Variants in CACNA1C observed in about 807,000 individuals in gnomAD.
The protein encoded by CACNA1C is calcium voltage-gated channel subunit alpha1 C.
A neutral mutation model predicts 229.0 loss-of-function variants in CACNA1C; 30 were observed. The observed-to-expected ratio is 0.13, with a 90% CI of 0.10 to 0.18. The LOEUF is 0.18. Ranked by LOEUF, CACNA1C falls within the 10% of genes least tolerant of loss-of-function variation. The probability of loss-of-function intolerance (pLI) is 1.00; values close to 1 mark genes in which losing one functional copy is unlikely to be tolerated. For synonymous variants in CACNA1C, 1,114 were observed against 1,132.5 expected (o/e 0.98, Z 0.33); for missense variants, 1,658 against 2,845.0 (o/e 0.58, Z 9.49).
chr12:2,473,908 C>A (rs1029447030), intron 5 of CACNA1C, among the ~76,000 whole-genome samples: 18 of 152,130 alleles, frequency 1.2e-4, no homozygotes, highest in African/African-American at 4.3e-4. Context: ...GTTCGAGTTA[C>A]ATAGAAAGAT....
chr12:2,494,055 G>A (rs897845534), intron 7 of CACNA1C, among the ~76,000 whole-genome samples: 3 of 151,768 alleles, frequency 2.0e-5, no homozygotes, highest in African/African-American at 7.3e-5. Context: ...GGATACATGT[G>A]TAGAACGTGC....
At chr12:2,526,198 C>T (rs1160329838) in intron 9 of CACNA1C, among the ~76,000 whole-genome samples, 2 of 152,180 alleles carry the variant, frequency 1.3e-5, no homozygotes, top group African/African-American at 4.8e-5. Context: ...TTCTAAAACC[C>T]TGGGGCATAA....
chr12:2,146,723 C>A (rs1331178257), intron 3 of CACNA1C, among the ~76,000 whole-genome samples: 1 of 151,344 alleles, frequency 6.6e-6, no homozygotes, highest in Non-Finnish European at 1.5e-5. Flanking sequence ...TGTTTACCTG[C>A]TGGTGGGCAG....
At chr12:2,497,600 C>T (rs939565088) in intron 7 of CACNA1C, among the ~76,000 whole-genome samples, 2 of 152,136 alleles carry the variant, frequency 1.3e-5, no homozygotes, top group Non-Finnish European at 2.9e-5. Flanking sequence ...GCCTCTGGCC[C>T]GCGTTATCCT....
intron 3 of CACNA1C, among the ~76,000 whole-genome samples, chr12:2,321,118 T>C (rs1248725192): frequency 6.6e-6 from 1 of 152,196 alleles, no homozygotes; most frequent in East Asian, 1.9e-4. Context: ...GGCTGTCTGC[T>C]TGGGCTCAGC....
At chr12:2,503,556 G>A (rs1442047088) in intron 7 of CACNA1C, among the ~76,000 whole-genome samples, 2 of 152,278 alleles carry the variant, frequency 1.3e-5, no homozygotes, top group South Asian at 2.1e-4. Context: ...GCGGGTACAG[G>A]GGGCTGATTT....
chr12:2,451,661 C>T (rs1029920747), intron 4 of CACNA1C, among the ~76,000 whole-genome samples: 1 of 152,176 alleles, frequency 6.6e-6, no homozygotes, highest in Non-Finnish European at 1.5e-5. Flanking sequence ...GCCTCACCTG[C>T]GGTCTGTCTG....
chr12:2,534,712 G>C (rs12305392), intron 9 of CACNA1C, among the ~76,000 whole-genome samples: 2 of 152,136 alleles, frequency 1.3e-5, no homozygotes, highest in African/African-American at 4.8e-5. Context: ...ATTAGGGCAC[G>C]ATCTTCCCCT....
chr12:2,175,199 A>G (rs2096611743), intron 3 of CACNA1C, among the ~76,000 whole-genome samples: 1 of 152,234 alleles, frequency 6.6e-6, no homozygotes, highest in African/African-American at 2.4e-5. Flanking sequence ...TATTCAGTTC[A>G]TATGTAAATT....
chr12:2,177,587 C>CCCT (rs750852324), intron 3 of CACNA1C, among the ~76,000 whole-genome samples: 20 of 78,520 alleles, frequency 2.5e-4, no homozygotes, highest in South Asian at 1.3e-3. Context: ...CTCCCTCCCT[C>CCCT]CCTTCCTTCC....
At position 2,315,609 on chromosome 12, in the gene CACNA1C, G is replaced by A. The variant is rs139200154; in HGVS notation, c.478-133367G>A. Among the ~76,000 whole-genome samples, 12 of 152,240 alleles carry A rather than the reference G, an allele frequency of 7.9e-5. 1 individual carries two copies. Among genetic ancestry groups the A allele is most frequent in the Middle Eastern group, 6.8e-3 (2 of 294 alleles). ...CGCCCCGTGCCTCCCACAGAGTCCC[G>A]CAAGCTGTGAGTGTCCTCAAACCAT... On this transcript the variant is annotated intron_variant, in intron 3 of 46. Transcript: ENST00000399655.
chr12:2,194,354 C>T (rs2097338256), intron 3 of CACNA1C, among the ~76,000 whole-genome samples: 1 of 151,712 alleles, frequency 6.6e-6, no homozygotes, highest in Non-Finnish European at 1.5e-5. Flanking sequence ...TCCCTCTCCT[C>T]CTCCTCCCTG....
intron 3 of CACNA1C, among the ~76,000 whole-genome samples, chr12:2,409,629 TTGTC>T (rs2098783069): frequency 6.6e-6 from 1 of 152,250 alleles, no homozygotes; most frequent in Non-Finnish European, 1.5e-5. Context: ...GAAATGATGT[TTGTC>T]TGTTGTTCCC....
At chr12:2,267,695 G>C (rs1011133543) in intron 3 of CACNA1C, among the ~76,000 whole-genome samples, 1 of 152,214 alleles carries the variant, frequency 6.6e-6, no homozygotes. Flanking sequence ...CTTCATCCCA[G>C]AGTAGGATGC....
intron 3 of CACNA1C, among the ~76,000 whole-genome samples, chr12:2,229,177 C>T (rs1408399769): frequency 1.3e-5 from 2 of 152,078 alleles, no homozygotes; most frequent in African/African-American, 4.8e-5. Flanking sequence ...TGGGCAAGTT[C>T]CTTAAACTCC....
intron 13 of CACNA1C, 40 bp from the exon 14 acceptor site, chr12:2,581,550 C>G (rs1345233132): frequency 1.3e-6 from 2 of 1,513,022 alleles, no homozygotes; most frequent in Non-Finnish European, 1.8e-6. Flanking sequence ...GGGAGGACAG[C>G]AAGGGGCAGA....
At chr12:2,030,073 G>C (rs2047975758) in intron 1 of CACNA1C, among the ~76,000 whole-genome samples, 1 of 152,222 alleles carries the variant, frequency 6.6e-6, no homozygotes, top group South Asian at 2.1e-4. Context: ...TGATAGGTGG[G>C]CCCTCTGGGT....
At chr12:2,014,474 C>T (rs1016681206) in intron 1 of CACNA1C, among the ~76,000 whole-genome samples, 1 of 152,092 alleles carries the variant, frequency 6.6e-6, no homozygotes, top group Non-Finnish European at 1.5e-5. Context: ...AGACAGGCAC[C>T]GGGCTAGGAG....
At chr12:2,520,024 A>G (rs1406255487) in intron 9 of CACNA1C, among the ~76,000 whole-genome samples, 2 of 152,388 alleles carry the variant, frequency 1.3e-5, no homozygotes, top group Non-Finnish European at 2.9e-5. Context: ...ACACTTCCCA[A>G]AGCAAAACCA....
Sources: allele counts gnomAD v4.1 joint callset (sites outside exome capture counted in the v4.1 genomes callset), GRCh38; gene constraint gnomAD v4.1.1; transcripts MANE v1.5; gene names NCBI Gene and HGNC (gene_info 2026-07-23, HGNC 2026-07-21).